The following EMC7 variants were observed in gnomAD, a reference collection of about 807,000 sequenced individuals.
The protein encoded by EMC7 is endoplasmic reticulum membrane protein complex subunit 7.
A neutral mutation model predicts 24.4 loss-of-function variants in EMC7; 4 were observed. The ratio of observed to expected loss-of-function variants is 0.16; its 90% confidence interval spans 0.08 to 0.38. The LOEUF is 0.38. Among genes scored for constraint, EMC7 ranks in the 10% least tolerant of loss-of-function variants. The pLI, the probability that EMC7 is intolerant of heterozygous loss-of-function variation, is 1.00. For synonymous variants in EMC7, 106 were observed against 112.0 expected, an observed-to-expected ratio of 0.95 and a Z score of 0.34; for missense variants, 221 against 300.6, an observed-to-expected ratio of 0.74 and a Z score of 1.96.
intron 4 of EMC7, among the ~76,000 whole-genome samples, chr15:34,086,577 C>T (rs917949502): frequency 2.6e-5 from 4 of 152,174 alleles, no homozygotes; most frequent in Admixed American, 2.6e-4. Flanking sequence ...TACAGGCATG[C>T]GCCACCATGC....
At chr15:34,089,248 T>A (rs1227033335) in intron 3 of EMC7, among the ~76,000 whole-genome samples, 1 of 152,220 alleles carries the variant, frequency 6.6e-6, no homozygotes, top group Non-Finnish European at 1.5e-5. Flanking sequence ...TTGATGATAG[T>A]CAACAATAAT....
intron 1 of EMC7, among the ~76,000 whole-genome samples, chr15:34,096,766 TC>T (rs1203552008): frequency 5.3e-5 from 8 of 151,926 alleles, no homozygotes; most frequent in Non-Finnish European, 1.2e-4. Context: ...GGCAGACAGA[TC>T]ACCTGAGGTT....
intron 2 of EMC7, among the ~76,000 whole-genome samples, chr15:34,093,625 T>TA (rs1944661147): frequency 6.7e-6 from 1 of 149,768 alleles, no homozygotes; most frequent in African/African-American, 2.5e-5. Context: ...GTTTTCAATA[T>TA]AAAAAAAATG....
rs550543116 is a variant in EMC7, at chr15:34,101,708, G to A, written c.132C>T (p.Arg44=). 8.9e-5 allele frequency: 144 copies of A among 1,613,668 alleles called. No homozygotes were observed. The highest frequency in any genetic ancestry group is 4.1e-4 in the South Asian group (37 of 91,022). Residue 44 remains arginine (R), a synonymous_variant, in exon 1 of 5, where the codon CGC becomes CGT. Coordinates refer to ENST00000256545, the MANE Select transcript of EMC7 (RefSeq NM_020154.3). Reference sequence around the variant, plus strand: ...CAACTGCACGCCCCTCAATCTTGAAGCGATCTCCTATGCCGACCCCACTCC... The same window carrying A: ...CAACTGCACGCCCCTCAATCTTGAAACGATCTCCTATGCCGACCCCACTCC... ...SGGSGVGIGD[R]FKIEGRAVVP...
intron 1 of EMC7, among the ~76,000 whole-genome samples, chr15:34,098,975 G>A (rs1344683629): frequency 6.6e-6 from 1 of 151,954 alleles, no homozygotes; most frequent in Non-Finnish European, 1.5e-5. Flanking sequence ...CAAAATGTAG[G>A]CCTTATTGGA....
At chr15:34,097,574 A>G (rs993375535) in intron 1 of EMC7, among the ~76,000 whole-genome samples, 2 of 152,122 alleles carry the variant, frequency 1.3e-5, no homozygotes, top group African/African-American at 2.4e-5. Context: ...AGAAACTACT[A>G]TTCTGAGGGG....
At chr15:34,094,761 G>T (rs1901037969) in intron 2 of EMC7, among the ~76,000 whole-genome samples, 1 of 152,022 alleles carries the variant, frequency 6.6e-6, no homozygotes, top group African/African-American at 2.4e-5. Context: ...GCTAAAAGAA[G>T]AGAAAGAAAT....
At position 34,101,681 on chromosome 15, in the gene EMC7, A is replaced by C; in HGVS notation, c.159T>G (p.Val53=). 1.2e-6 allele frequency: 2 copies of C among 1,612,378 alleles called. No individual in the cohort carries two copies. Among genetic ancestry groups the C allele is most frequent in the Non-Finnish European group, 1.7e-6 (2 of 1,179,660 alleles). Residue 53 remains valine (V), a synonymous_variant, in exon 1 of 5, where the codon GTT becomes GTG. Transcript: ENST00000256545. ...TCCAGTCCTGAGGCTTCACCCCTGG[A>C]ACAACTGCACGCCCCTCAATCTTGA... ...DRFKIEGRAV[V]PGVKPQDWIS...
chr15:34,098,145 C>T (rs1184828476), intron 1 of EMC7, among the ~76,000 whole-genome samples: 2 of 152,166 alleles, frequency 1.3e-5, no homozygotes, highest in Non-Finnish European at 2.9e-5. Flanking sequence ...TGAGCTTAGT[C>T]TATTTTCCCC....
chr15:34,091,748 T>C (rs958480059), intron 2 of EMC7, among the ~76,000 whole-genome samples: 32 of 152,314 alleles, frequency 2.1e-4, no homozygotes, highest in African/African-American at 7.7e-4. Flanking sequence ...CATTGCTAAT[T>C]AAATCTAAGC....
intron 1 of EMC7, among the ~76,000 whole-genome samples, chr15:34,099,705 A>C (rs1175125573): frequency 6.6e-6 from 1 of 152,170 alleles, no homozygotes; most frequent in African/African-American, 2.4e-5. Context: ...GCCTCGGCTC[A>C]AGTGATCCTC....
chr15:34,101,196 T>C (rs912698532), intron 1 of EMC7, among the ~76,000 whole-genome samples: 6 of 152,020 alleles, frequency 3.9e-5, no homozygotes, highest in Non-Finnish European at 8.8e-5. Context: ...TCTTTCTACA[T>C]AATAACAAGC....
intron 3 of EMC7, among the ~76,000 whole-genome samples, 199 bp from the exon 4 acceptor site, chr15:34,088,332 T>C (rs1834376371): frequency 1.3e-5 from 2 of 152,210 alleles, no homozygotes; most frequent in South Asian, 4.1e-4. Context: ...TGGACTATTA[T>C]AGAATATTAA....
In EMC7 at chr15:34,084,153, A is replaced by G; in HGVS notation, c.*181T>C. ...ATTGACCTCATACAGACAAAAGATG[A>G]AAGCTGGGTTTTCTCGTGTACCAAG... On this transcript the variant is annotated 3_prime_UTR_variant, in exon 5 of 5. Transcript: ENST00000256545. 1 of 665,640 alleles carries G rather than the reference A, an allele frequency of 1.5e-6. No homozygotes were observed. Among genetic ancestry groups the G allele is most frequent in the Non-Finnish European group, 2.4e-6 (1 of 417,080 alleles). The allele number at this position is 665,640 out of a possible 1,614,324, so 41.2% of individuals were successfully genotyped here. A position where few individuals can be genotyped will look rare whatever the true frequency, so the allele number is the denominator to read the frequency against.
intron 2 of EMC7, among the ~76,000 whole-genome samples, chr15:34,094,992 G>A (rs1375151291): frequency 5.9e-5 from 9 of 152,220 alleles, no homozygotes; most frequent in Non-Finnish European, 1.5e-5. Context: ...TAACTCAAAT[G>A]TAAATAGTAT....
At chr15:34,100,666 T>C (rs375694975) in intron 1 of EMC7, 3 of 152,342 alleles carry the variant, frequency 2.0e-5, no homozygotes, top group African/African-American at 7.2e-5. Flanking sequence ...TGAACAAATA[T>C]GTAAATCAGA....
rs200013278 is a variant in EMC7, at chr15:34,084,299, C to T, written c.*35G>A. On this transcript the variant is annotated 3_prime_UTR_variant, in exon 5 of 5. Transcript: ENST00000256545. ...AGACTTGGATGCCACCCAGTGTTGC[C>T]GTGTTTGTGCAAATGCCAGCTCTGG... 21 of 1,593,860 alleles carry T rather than the reference C, an allele frequency of 1.3e-5. No individual in the cohort carries two copies. The highest frequency in any genetic ancestry group is 3.4e-5 in the South Asian group (3 of 89,330).
intron 1 of EMC7, among the ~76,000 whole-genome samples, chr15:34,096,466 G>T (rs1346154906): frequency 6.6e-6 from 1 of 152,028 alleles, no homozygotes. Context: ...CCACTGTGCC[G>T]GCCTTCAGTG....
intron 2 of EMC7, among the ~76,000 whole-genome samples, chr15:34,093,206 G>A (rs1300479938): frequency 2.6e-5 from 4 of 152,230 alleles, no homozygotes; most frequent in South Asian, 2.1e-4. Flanking sequence ...TTGGGAGGCC[G>A]AGGCAGGAGG....
Sources: allele counts gnomAD v4.1 joint callset (sites outside exome capture counted in the v4.1 genomes callset), GRCh38; gene constraint gnomAD v4.1.1; transcripts MANE v1.5; gene names NCBI Gene and HGNC (gene_info 2026-07-23, HGNC 2026-07-21).